Variants in NAP1L4 observed in about 807,000 individuals in gnomAD.
NAP1L4 encodes nucleosome assembly protein 1 like 4.
A neutral mutation model predicts 58.2 loss-of-function variants in NAP1L4; 15 were observed. The observed-to-expected ratio is 0.26, with a 90% CI of 0.17 to 0.40. The LOEUF (loss-of-function observed/expected upper bound fraction) is 0.40, where lower values mean the gene tolerates loss of function less well. NAP1L4 is among the 10% of genes least tolerant of loss of function. The pLI is 1.00. For missense variants in NAP1L4, 384 were observed against 451.1 expected, an observed-to-expected ratio of 0.85 and a Z score of 1.35; for synonymous variants, 171 against 155.6, an observed-to-expected ratio of 1.10 and a Z score of -0.74.
chr11:2,991,008 A>G, intron 1 of NAP1L4: 1 of 424,846 alleles, frequency 2.4e-6, no homozygotes, highest in Non-Finnish European at 4.9e-6. Context: ...GCAGGAGGAT[A>G]AGGCACGGGT....
intron 1 of NAP1L4, among the ~76,000 whole-genome samples, chr11:2,980,136 T>G (rs766946446): frequency 1.3e-5 from 2 of 152,232 alleles, no homozygotes; most frequent in Non-Finnish European, 2.9e-5. Flanking sequence ...ATTAAGGGTG[T>G]GTTCTAGGGC....
intron 8 of NAP1L4, among the ~76,000 whole-genome samples, chr11:2,962,144 TTGAC>T (rs1466387408): frequency 1.3e-5 from 2 of 152,222 alleles, no homozygotes; most frequent in African/African-American, 4.8e-5. Flanking sequence ...TTCATCTTCT[TTGAC>T]TGGTAAGTAC....
chr11:2,968,041 T>C (rs1022451681), intron 7 of NAP1L4, among the ~76,000 whole-genome samples: 2 of 152,088 alleles, frequency 1.3e-5, no homozygotes, highest in African/African-American at 4.8e-5. Flanking sequence ...CAATCCCACG[T>C]GAAGATGCTC....
intron 7 of NAP1L4, among the ~76,000 whole-genome samples, chr11:2,965,547 G>A (rs1176012234): frequency 6.6e-6 from 1 of 152,146 alleles, no homozygotes; most frequent in Non-Finnish European, 1.5e-5. Context: ...AATACACACA[G>A]TCACTTCTTT....
rs1258496076 is a variant in NAP1L4, at chr11:2,954,284, A to G, written c.1035+243T>C. ...TTGAGTCACTAGGCAGGGCTCACAT[A>G]GGAAACTGGCAATCACCTCTGAAAC... On this transcript the variant is annotated intron_variant, in intron 12 of 15. Coordinates refer to ENST00000380542, the MANE Select transcript of NAP1L4 (RefSeq NM_005969.4). This position sits in a 1 kb window ranked among gnomAD's most constrained non-coding sequence, Gnocchi z 4.8. The G allele has an allele frequency of 3.0e-5, 18 of 591,156 alleles. 1 individual carries two copies. The East Asian group carries it at 5.3e-4, about 17-fold the overall frequency. The allele number at this position is 591,156 out of a possible 1,614,324, so 36.6% of individuals were successfully genotyped here.
intron 1 of NAP1L4, chr11:2,989,246 A>C (rs533934189): frequency 6.6e-6 from 1 of 152,306 alleles, no homozygotes; most frequent in South Asian, 2.1e-4. Context: ...TCAGATTTCT[A>C]CTCTGGAAGC....
intron 3 of NAP1L4, among the ~76,000 whole-genome samples, chr11:2,976,496 G>A (rs530034366): frequency 6.6e-6 from 1 of 152,320 alleles, no homozygotes; most frequent in South Asian, 2.1e-4. Flanking sequence ...GAACAGAGAT[G>A]AGATCAGTTC....
intron 5 of NAP1L4, 33 bp downstream of exon 5, chr11:2,972,069 C>G: frequency 1.3e-6 from 2 of 1,501,326 alleles, no homozygotes; most frequent in Non-Finnish European, 1.8e-6. Flanking sequence ...AAGCTGAAAA[C>G]TATCTGTATA....
intron 1 of NAP1L4, chr11:2,991,001 G>T (rs1388894604): frequency 4.8e-6 from 2 of 418,026 alleles, no homozygotes; most frequent in Non-Finnish European, 9.9e-6. Context: ...ACCTAATGCA[G>T]GAGGATAAGG....
At chr11:2,965,929 C>T (rs1847251859) in intron 7 of NAP1L4, among the ~76,000 whole-genome samples, 1 of 152,134 alleles carries the variant, frequency 6.6e-6, no homozygotes, top group South Asian at 2.1e-4. Context: ...GCGTACAATT[C>T]TTATCTGTGT....
intron 10 of NAP1L4, among the ~76,000 whole-genome samples, chr11:2,956,278 C>T (rs1248461881): frequency 2.0e-5 from 3 of 152,072 alleles, no homozygotes; most frequent in Non-Finnish European, 4.4e-5. Flanking sequence ...CCACCAGGGG[C>T]CCCTGTAGAG....
At chr11:2,979,572 A>C (rs1177991911) in intron 1 of NAP1L4, among the ~76,000 whole-genome samples, 3 of 152,166 alleles carry the variant, frequency 2.0e-5, no homozygotes, top group Non-Finnish European at 2.9e-5. Context: ...CAGGAGTTCG[A>C]GACCGGCCTG....
intron 7 of NAP1L4, among the ~76,000 whole-genome samples, chr11:2,968,040 G>A (rs1341145243): frequency 2.0e-5 from 3 of 152,090 alleles, no homozygotes; most frequent in African/African-American, 4.8e-5. Flanking sequence ...CCAATCCCAC[G>A]TGAAGATGCT....
In NAP1L4 at chr11:2,954,379, A is replaced by C; in HGVS notation, c.1035+148T>G. 1 of 1,173,982 alleles carries C rather than the reference A, an allele frequency of 8.5e-7. No individual in the cohort carries two copies. Among genetic ancestry groups the C allele is most frequent in the Non-Finnish European group, 1.2e-6 (1 of 807,402 alleles). The allele number at this position is 1,173,982 out of a possible 1,614,324, so 72.7% of individuals were successfully genotyped here. ...TCCTCTTCAAGCGTATTCCCCCCAC[A>C]ACAAGGACAGCAGCTTGGACTACAT... On this transcript the variant is annotated intron_variant, in intron 12 of 15. Transcript: ENST00000380542. The surrounding 1 kb of genome is among the most constrained non-coding windows in gnomAD (Gnocchi z 4.8).
At chr11:2,981,375 G>A (rs965235234) in intron 1 of NAP1L4, among the ~76,000 whole-genome samples, 6 of 126,116 alleles carry the variant, frequency 4.8e-5, no homozygotes, top group Admixed American at 2.2e-4. Flanking sequence ...CTATGACTGC[G>A]CCACTGAACT....
chr11:2,953,536 T>A (rs1041067939), intron 12 of NAP1L4, among the ~76,000 whole-genome samples: 6 of 152,262 alleles, frequency 3.9e-5, no homozygotes, highest in African/African-American at 1.4e-4. Context: ...CTAGAATTTG[T>A]AAAACTATGT....
rs1336441821 is a variant in NAP1L4, at chr11:2,949,938, C to T, written c.1123-674G>A. On this transcript the variant is annotated intron_variant, in intron 14 of 15. Coordinates refer to ENST00000380542, the MANE Select transcript of NAP1L4 (RefSeq NM_005969.4). This position sits in a 1 kb window ranked among gnomAD's most constrained non-coding sequence, Gnocchi z 4.0. ...CCCTGCCAATTGACCCCAGTCCTTG[C>T]TTTACAACTGCAACCTTAAAAGTGT... Among the ~76,000 whole-genome samples the T allele has an allele frequency of 1.3e-5, 2 of 152,258 alleles. No homozygotes were observed. The highest frequency in any genetic ancestry group is 2.9e-5 in the Non-Finnish European group (2 of 68,046).
intron 1 of NAP1L4, among the ~76,000 whole-genome samples, chr11:2,986,498 T>A (rs1265647669): frequency 2.0e-5 from 3 of 152,074 alleles, no homozygotes; most frequent in African/African-American, 7.2e-5. Flanking sequence ...AACTCAAAGG[T>A]CCTCAATGTC....
Position 2,951,096 on chromosome 11 carries a change from C to T in NAP1L4, c.1122+163G>A. Reference sequence around the variant, plus strand: ...ACACTCAACACTCAAATTATAGACACAGTGTCTGAATAATCATTCCACTAT... The same window carrying T: ...ACACTCAACACTCAAATTATAGACATAGTGTCTGAATAATCATTCCACTAT... On this transcript the variant is annotated intron_variant, in intron 14 of 15. Transcript: ENST00000380542. This position sits in a 1 kb window ranked among gnomAD's most constrained non-coding sequence, Gnocchi z 4.0. The T allele has an allele frequency of 1.5e-6, 1 of 671,076 alleles. No individual in the cohort carries two copies. The highest frequency in any genetic ancestry group is 2.4e-5 in the Admixed American group (1 of 40,892). 41.6% of individuals were successfully genotyped at this position (671,076 alleles called of 1,614,324 possible).
Sources: gnomAD v4.1 joint callset for allele counts (sites outside exome capture counted in the v4.1 genomes callset) on GRCh38, gnomAD v4.1.1 for gene constraint, Gnocchi (gnomAD v3.1) non-coding constraint, MANE v1.5 for transcripts, NCBI Gene and HGNC (gene_info 2026-07-23, HGNC 2026-07-21) for gene names.